MAPK6: variants seen among roughly 807,000 people sequenced by gnomAD.
MAPK6 encodes ERK-3.
MAPK6 carries 19 observed loss-of-function variants against 59.3 expected under a neutral mutation model. The observed-to-expected ratio is 0.32, with a 90% CI of 0.22 to 0.47. The LOEUF (loss-of-function observed/expected upper bound fraction) is 0.47, where lower values mean the gene tolerates loss of function less well. Ranked by LOEUF, MAPK6 falls within the 20% of genes least tolerant of loss-of-function variation. The probability of loss-of-function intolerance (pLI) is 1.00; values close to 1 mark genes in which losing one functional copy is unlikely to be tolerated. For missense variants in MAPK6, 724 were observed against 847.9 expected (o/e 0.85, Z 1.81); for synonymous variants, 316 against 290.3 (o/e 1.09, Z -0.90).
chr15:52,049,848 G>C, intron 2 of MAPK6, 145 bp from the exon 3 acceptor site: 1 of 677,166 alleles, frequency 1.5e-6, no homozygotes. Context: ...CCCGACCTTG[G>C]GTGATCCGCC....
chr15:51,974,722 T>G (rs982357807), intron 1 of MAPK6, among the ~76,000 whole-genome samples: 1 of 150,430 alleles, frequency 6.6e-6, no homozygotes, highest in African/African-American at 2.4e-5. Context: ...AGAATTTCTT[T>G]TTTCCCCCCC....
intron 1 of MAPK6, among the ~76,000 whole-genome samples, chr15:51,979,223 GAGAA>G (rs1555394787): frequency 2.7e-5 from 4 of 149,890 alleles, no homozygotes; most frequent in African/African-American, 2.5e-5. Context: ...AAGAAAAAAA[GAGAA>G]AGAAAAGGAA....
chr15:52,061,167 A>G lies in MAPK6; in HGVS notation c.866-132A>G, dbSNP rs80227352. On this transcript the variant is annotated intron_variant, in intron 4 of 5. Coordinates refer to ENST00000261845, the MANE Select transcript of MAPK6 (RefSeq NM_002748.4). ...ACCTATTAGTACAATTAAGATGCTC[A>G]TTTCCTGTTGTGTAGTATGTAGTGC... 2,153 of 665,700 alleles carry G rather than the reference A, an allele frequency of 3.2e-3. 41 individuals carry two copies. The African/African-American group carries it at 0.036, about 11-fold the overall frequency. The allele number at this position is 665,700 out of a possible 1,614,324, so 41.2% of individuals were successfully genotyped here.
At chr15:52,007,847 CTTTT>C (rs71425727) in intron 3 of MAPK6, among the ~76,000 whole-genome samples, 1 of 139,824 alleles carries the variant, frequency 7.2e-6, no homozygotes, top group East Asian at 2.0e-4. Context: ...TATTTCACCT[CTTTT>C]TTTTTTTTTT....
intron 1 of MAPK6, among the ~76,000 whole-genome samples, chr15:52,034,334 GA>G: frequency 7.2e-6 from 1 of 139,404 alleles, no homozygotes; most frequent in Admixed American, 7.2e-5. Flanking sequence ...TTTTTTTTTT[GA>G]GACAGTCTCG....
chr15:51,976,635 G>T (rs1338583924), intron 1 of MAPK6, among the ~76,000 whole-genome samples: 1 of 151,802 alleles, frequency 6.6e-6, no homozygotes, highest in Non-Finnish European at 1.5e-5. Context: ...TTAGAACTAT[G>T]TGGAATTGTC....
At chr15:52,025,128 C>T (rs765678763) in intron 1 of MAPK6, among the ~76,000 whole-genome samples, 30 of 152,030 alleles carry the variant, frequency 2.0e-4, no homozygotes, top group Non-Finnish European at 3.7e-4. Flanking sequence ...TTAGTCCCAG[C>T]TACTTATGAG....
chr15:52,046,190 A>G lies in MAPK6; in HGVS notation c.-271A>G, dbSNP rs1330745464. 3.2e-6 allele frequency: 1 copy of G among 308,372 alleles called. No homozygotes were observed. Among genetic ancestry groups the G allele is most frequent in the Non-Finnish European group, 6.0e-6 (1 of 167,008 alleles). The allele number at this position is 308,372 out of a possible 1,614,324, so 19.1% of individuals were successfully genotyped here. On this transcript the variant is annotated 5_prime_UTR_variant, in exon 2 of 6. Transcript: ENST00000261845. ...CCGTTTGAGTTTCTTGTTTTCGTTAAATGTCTGCAGAGTTGCTGCCCCTTT... is the reference window on the plus strand; with the variant it reads ...CCGTTTGAGTTTCTTGTTTTCGTTAGATGTCTGCAGAGTTGCTGCCCCTTT...
chr15:52,048,731 C>T (rs892880512), intron 2 of MAPK6, among the ~76,000 whole-genome samples: 5 of 150,812 alleles, frequency 3.3e-5, no homozygotes, highest in African/African-American at 1.2e-4. Flanking sequence ...GAGTTTGAGA[C>T]CAACCTGCGC....
intron 1 of MAPK6, among the ~76,000 whole-genome samples, chr15:52,044,640 A>G (rs1310289169): frequency 6.9e-6 from 1 of 145,316 alleles, no homozygotes; most frequent in Non-Finnish European, 1.5e-5. Context: ...ACCAAGTTGC[A>G]TTTTTTTTTT....
rs2032196945 is a variant in MAPK6, at chr15:52,061,514, A to AAATT, written c.1067+16_1067+19dup. On this transcript the variant is annotated intron_variant, in intron 5 of 5. Transcript: ENST00000261845. ...TAACTGGGAAAGGTAAATTGATCCTAAATTAGAAAAATAATATTTACTGAA... is the reference window on the plus strand; with the variant it reads ...TAACTGGGAAAGGTAAATTGATCCTAAATTAATTAGAAAAATAATATTTACTGAA... 17 of 1,579,960 alleles carry AAATT rather than the reference A, an allele frequency of 1.1e-5. No homozygotes were observed. Among genetic ancestry groups the AAATT allele is most frequent in the Non-Finnish European group, 1.5e-5 (17 of 1,150,044 alleles).
At chr15:51,997,350 C>A (rs980439731) in intron 2 of MAPK6, among the ~76,000 whole-genome samples, 2 of 151,298 alleles carry the variant, frequency 1.3e-5, no homozygotes, top group East Asian at 1.9e-4. Flanking sequence ...TGGCTCACTG[C>A]GACCTCTGCC....
chr15:52,060,116 G>C (rs1414091044), intron 4 of MAPK6, among the ~76,000 whole-genome samples: 1 of 152,150 alleles, frequency 6.6e-6, no homozygotes, highest in Non-Finnish European at 1.5e-5. Context: ...TAGCATTCCT[G>C]TAGTCCTAGC....
intron 1 of MAPK6, among the ~76,000 whole-genome samples, chr15:51,974,320 C>G (rs985816950): frequency 6.6e-6 from 1 of 151,358 alleles, no homozygotes; most frequent in African/African-American, 2.4e-5. Flanking sequence ...AGAATTTAAT[C>G]CTATTTGGTT....
chr15:52,062,433 CA>C (rs2032239948), intron 5 of MAPK6, among the ~76,000 whole-genome samples: 1 of 152,042 alleles, frequency 6.6e-6, no homozygotes. Flanking sequence ...TAATGTTATC[CA>C]TATTTTGATG....
intron 1 of MAPK6, among the ~76,000 whole-genome samples, chr15:51,974,541 C>G (rs575279430): frequency 6.7e-6 from 1 of 149,658 alleles, no homozygotes; most frequent in East Asian, 2.0e-4. Flanking sequence ...CACCTGTAGT[C>G]CCAGCTACTG....
At chr15:52,032,186 ATT>A (rs566086048) in intron 1 of MAPK6, among the ~76,000 whole-genome samples, 53 of 92,468 alleles carry the variant, frequency 5.7e-4, no homozygotes, top group African/African-American at 1.0e-3. Context: ...ACAATTTTTA[ATT>A]TTTTTTTTTT....
At chr15:52,026,842 G>T (rs1239775825) in intron 1 of MAPK6, among the ~76,000 whole-genome samples, 1 of 149,362 alleles carries the variant, frequency 6.7e-6, no homozygotes, top group African/African-American at 2.4e-5. Flanking sequence ...ACAAAGTCAG[G>T]AGTTCTAGAC....
chr15:51,991,511 G>A (rs1045422656), intron 2 of MAPK6, among the ~76,000 whole-genome samples: 7 of 152,262 alleles, frequency 4.6e-5, no homozygotes, highest in East Asian at 1.9e-4. Context: ...TACATAACGC[G>A]ACAAATGTAT....
Sources: allele counts gnomAD v4.1 joint callset (sites outside exome capture counted in the v4.1 genomes callset), GRCh38; gene constraint gnomAD v4.1.1; transcripts MANE v1.5; gene names NCBI Gene and HGNC (gene_info 2026-07-23, HGNC 2026-07-21).